Variants in DNAJC10 observed in about 807,000 individuals in gnomAD.
DNAJC10 encodes the protein endoplasmic reticulum disulfide reductase DNAJC10.
In DNAJC10, 101 loss-of-function variants were observed where a neutral mutation model predicts 115.0. That is an observed-to-expected ratio of 0.88 (90% CI 0.75 to 1.04). The LOEUF (loss-of-function observed/expected upper bound fraction) is 1.04, where lower values mean the gene tolerates loss of function less well. DNAJC10 is among the 50% of genes least tolerant of loss of function. DNAJC10 has a pLI of 0.00. For synonymous variants in DNAJC10, 307 were observed against 301.5 expected, an observed-to-expected ratio of 1.02 and a Z score of -0.19; for missense variants, 981 against 928.8, an observed-to-expected ratio of 1.06 and a Z score of -0.73.
chr2:182,755,161 G>A (rs1009122237), intron 17 of DNAJC10, 57 bp downstream of exon 17: 10 of 1,013,426 alleles, frequency 9.9e-6, no homozygotes, highest in Admixed American at 1.7e-5. Flanking sequence ...TGTAAACCCT[G>A]TATGAATGTT....
intron 10 of DNAJC10, 55 bp downstream of exon 10, chr2:182,732,597 A>G (rs1693479032): frequency 1.3e-6 from 2 of 1,525,444 alleles, no homozygotes; most frequent in Non-Finnish European, 1.8e-6. Context: ...ACACATTTAG[A>G]AATTGATTTG....
intron 11 of DNAJC10, 111 bp from the exon 12 acceptor site, chr2:182,740,188 C>T: frequency 4.3e-6 from 5 of 1,155,338 alleles, no homozygotes; most frequent in African/African-American, 1.6e-5. Flanking sequence ...AACTATTTAC[C>T]TTCTATAATC....
chr2:182,740,484 G>C, intron 12 of DNAJC10, 96 bp downstream of exon 12: 12 of 1,204,518 alleles, frequency 1.0e-5, no homozygotes, highest in Non-Finnish European at 1.3e-5. Context: ...TTCATCTCTA[G>C]AGAGAATTGA....
chr2:182,759,057 C>A (rs188642734), intron 20 of DNAJC10, 103 bp from the exon 21 acceptor site: 3 of 1,132,932 alleles, frequency 2.6e-6, no homozygotes, highest in Admixed American at 2.6e-5. Context: ...CATTGCCCTT[C>A]CTTGACATCA....
chr2:182,770,903 C>A (rs930617310), intron 22 of DNAJC10, among the ~76,000 whole-genome samples: 1 of 152,172 alleles, frequency 6.6e-6, no homozygotes, highest in Non-Finnish European at 1.5e-5. Flanking sequence ...AAAGGGAATG[C>A]TTCCAGTCTT....
rs781569732 is a variant in DNAJC10 at position 182,720,082 on chromosome 2, A to G, written c.280A>G (p.Lys94Glu). ...AGTACTCAAAGATGAAGATCTACGG[A>G]AAAAGTATGACAAATATGGAGAAAA... ...YEVLKDEDLRKKYDKYGEKGL... is the reference protein window; with the variant it reads ...YEVLKDEDLREKYDKYGEKGL... Residue 94 changes from lysine to glutamate, a missense_variant, in exon 4 of 24, where the codon AAA (lysine) becomes GAA (glutamate). Lys to Glu is a moderately conservative substitution (Grantham distance 56). Coordinates refer to ENST00000264065, the MANE Select transcript of DNAJC10 (RefSeq NM_018981.4). The G allele has an allele frequency of 6.2e-7, 1 of 1,607,802 alleles. No individual in the cohort carries two copies. The highest frequency in any genetic ancestry group is 1.1e-5 in the South Asian group (1 of 90,760).
chr2:182,768,299 G>A (rs1474578732), intron 22 of DNAJC10, among the ~76,000 whole-genome samples: 1 of 152,104 alleles, frequency 6.6e-6, no homozygotes, highest in Non-Finnish European at 1.5e-5. Flanking sequence ...GCTGAGAGAT[G>A]GGTGACATAA....
At chr2:182,740,430 G>T in intron 12 of DNAJC10, 42 bp downstream of exon 12, 4 of 1,518,176 alleles carry the variant, frequency 2.6e-6, no homozygotes, top group East Asian at 5.0e-5. Flanking sequence ...ATGAATGTTC[G>T]TAACATTTCA....
rs1379396416 is a variant in DNAJC10 at position 182,753,569 on chromosome 2, CTTTAG to C, written c.1551+1390_1551+1394del. 9.4e-4 allele frequency among the ~76,000 whole-genome samples: 113 copies of C among 120,610 alleles called. 1 individual carries two copies. The highest frequency in any genetic ancestry group is 3.4e-3 in the African/African-American group (108 of 31,824). 79.1% of individuals were successfully genotyped at this position (120,610 alleles called of 152,430 possible). A position where few individuals can be genotyped will look rare whatever the true frequency, so the allele number is the denominator to read the frequency against. On this transcript the variant is annotated intron_variant, in intron 16 of 23. Coordinates refer to ENST00000264065, the MANE Select transcript of DNAJC10 (RefSeq NM_018981.4). ...ACAATAATTATCTTAATTTTAATTT[CTTTAG>C]TTTAGTTTTTTTTTTTTTTTTTTTT...
Position 182,722,072 on chromosome 2 carries a change from T to C in DNAJC10, c.415T>C (p.Phe139Leu). The change falls in exon 5 of 24, where the codon TTT becomes CTT. Residue 139 changes from phenylalanine (F) to leucine (L), a missense_variant. Physicochemically the swap from Phe to Leu is conservative, Grantham distance 22. Coordinates refer to ENST00000264065, the MANE Select transcript of DNAJC10 (RefSeq NM_018981.4). ...PEIITLERRE[F>L]DAAVNSGELW... ...AATCATAACATTGGAAAGAAGAGAA[T>C]TTGGTAAGTTTGTGGGCTTAAGGTT... 1 of 1,564,586 alleles carries C rather than the reference T, an allele frequency of 6.4e-7. No homozygotes were observed. The highest frequency in any genetic ancestry group is 8.7e-7 in the Non-Finnish European group (1 of 1,150,598).
intron 22 of DNAJC10, among the ~76,000 whole-genome samples, chr2:182,771,381 G>A (rs1199139671): frequency 1.3e-5 from 2 of 152,098 alleles, no homozygotes; most frequent in Admixed American, 6.5e-5. Flanking sequence ...TCTATTGATT[G>A]GAATAGTTTC....
At chr2:182,750,812 A>G (rs1322524816) in intron 14 of DNAJC10, among the ~76,000 whole-genome samples, 2 of 152,222 alleles carry the variant, frequency 1.3e-5, no homozygotes, top group Non-Finnish European at 2.9e-5. Flanking sequence ...CAGCCACACC[A>G]TCACTGAGCC....
rs758618970 is a variant in DNAJC10 at position 182,751,780 on chromosome 2, G to GC, written c.1434dup (p.Trp479LeufsTer24). ...AGAACCATGGCTTGTTGATTTCTTT[G>GC]CCCCCGTAAGTTATTTTTATCTGTC... On this transcript the variant is annotated frameshift_variant, in exon 15 of 24. Transcript: ENST00000264065. LOFTEE classifies it high-confidence loss of function. 4.3e-6 allele frequency: 7 copies of GC among 1,612,090 alleles called. No individual in the cohort carries two copies. In the South Asian group the frequency reaches 6.6e-5, roughly 15 times the overall value.
chr2:182,738,287 T>C (rs1318013338), intron 11 of DNAJC10, among the ~76,000 whole-genome samples: 1 of 152,106 alleles, frequency 6.6e-6, no homozygotes, highest in Admixed American at 6.5e-5. Context: ...TTAAACTCAA[T>C]TGGTATTGCC....
At position 182,724,620 on chromosome 2, in the gene DNAJC10, AGTT is replaced by A. The variant is rs539403623; in HGVS notation, c.418+2546_418+2548del. The stretch of plus-strand genomic sequence containing the variant: ...GTATAAGATAGACCTGTGGGGAAAA[AGTT>A]AATCTGTACCTTACAGGCAAAGTAA... On this transcript the variant is annotated intron_variant, in intron 5 of 23. Transcript: ENST00000264065. Among the ~76,000 whole-genome samples, 463 of 152,292 alleles carry A rather than the reference AGTT, an allele frequency of 3.0e-3. 3 individuals carry two copies. The highest frequency in any genetic ancestry group is 0.011 in the African/African-American group (450 of 41,574).
In DNAJC10 at chr2:182,720,070, G is replaced by C; in HGVS notation, c.268G>C (p.Glu90Gln). Residue 90 changes from glutamate to glutamine, a missense_variant, in exon 4 of 24, where the codon GAA becomes CAA. Glu to Gln is a conservative substitution (Grantham distance 29). Coordinates refer to ENST00000264065, the MANE Select transcript of DNAJC10 (RefSeq NM_018981.4). ...INRAYEVLKD[E>Q]DLRKKYDKYG... ...TAGAGCATATGAAGTACTCAAAGATGAAGATCTACGGAAAAAGTATGACAA... is the reference window on the plus strand; with the variant it reads ...TAGAGCATATGAAGTACTCAAAGATCAAGATCTACGGAAAAAGTATGACAA... The C allele has an allele frequency of 6.2e-7, 1 of 1,606,564 alleles. No homozygotes were observed. The highest frequency in any genetic ancestry group is 8.5e-7 in the Non-Finnish European group (1 of 1,173,542).
chr2:182,782,412 T>G lies in DNAJC10; in HGVS notation c.*5280T>G, dbSNP rs930694781. The G allele has an allele frequency of 6.6e-6, 1 of 152,220 alleles. No individual in the cohort carries two copies. Among genetic ancestry groups the G allele is most frequent in the African/African-American group, 2.4e-5 (1 of 41,548 alleles). 9.4% of individuals were successfully genotyped at this position (152,220 alleles called of 1,614,324 possible). ...TTGGCTATATGGGCTCTTTTTTTTT[T>G]GGTTCCATATGAAATTTAAAGTAGT... is the stretch of plus-strand genomic sequence containing the variant. On this transcript the variant is annotated 3_prime_UTR_variant, in exon 24 of 24. Transcript: ENST00000264065.
At chr2:182,724,414 G>T (rs960407662) in intron 5 of DNAJC10, among the ~76,000 whole-genome samples, 2 of 152,156 alleles carry the variant, frequency 1.3e-5, no homozygotes, top group South Asian at 4.1e-4. Context: ...AAAGGCGAGG[G>T]TAATCTGCTT....
At chr2:182,744,702 A>G (rs1693818609) in intron 14 of DNAJC10, among the ~76,000 whole-genome samples, 1 of 152,134 alleles carries the variant, frequency 6.6e-6, no homozygotes, top group Admixed American at 6.6e-5. Context: ...ACAACAGCCC[A>G]GTGAAGGAGA....
Sources: gnomAD v4.1 joint callset for allele counts (sites outside exome capture counted in the v4.1 genomes callset) on GRCh38, gnomAD v4.1.1 for gene constraint, MANE v1.5 for transcripts, NCBI Gene and HGNC (gene_info 2026-07-23, HGNC 2026-07-21) for gene names.